The following TMEM127 variants were observed in gnomAD, a reference collection of about 807,000 sequenced individuals.
The protein encoded by TMEM127 is transmembrane protein 127.
In TMEM127, 21 loss-of-function variants were observed where a neutral mutation model predicts 20.1. That is an observed-to-expected ratio of 1.04 (90% CI 0.74 to 1.50). The LOEUF (loss-of-function observed/expected upper bound fraction) is 1.50, where lower values mean the gene tolerates loss of function less well. Among genes scored for constraint, TMEM127 ranks in the 40% most tolerant of loss-of-function variants. The pLI is 0.00. For missense variants in TMEM127, 303 were observed against 317.4 expected, an observed-to-expected ratio of 0.95 and a Z score of 0.34; for synonymous variants, 150 against 144.7, an observed-to-expected ratio of 1.04 and a Z score of -0.26.
At chr2:96,256,135 A>G (rs568606333) in intron 2 of TMEM127, among the ~76,000 whole-genome samples, 3 of 151,780 alleles carry the variant, frequency 2.0e-5, no homozygotes, top group Admixed American at 6.6e-5. Context: ...GCTGGGTGTG[A>G]TCGCATGCGC....
rs201970931 is a variant in TMEM127 at position 96,257,912 on chromosome 2, C to T, written c.245-2915G>A. ...CCTTGGTGACAGAGTGACTCCGCCT[C>T]AAAAAAAAAAGTAGGAAATGGGCCT... On this transcript the variant is annotated intron_variant, in intron 2 of 3. Transcript: ENST00000258439. 9.4e-5 allele frequency among the ~76,000 whole-genome samples: 14 copies of T among 149,092 alleles called. No homozygotes were observed. In the East Asian group the frequency reaches 2.7e-3, roughly 29 times the overall value.
At chr2:96,254,524 G>A (rs546341147) in intron 3 of TMEM127, among the ~76,000 whole-genome samples, 1 of 152,288 alleles carries the variant, frequency 6.6e-6, no homozygotes, top group Non-Finnish European at 1.5e-5. Context: ...AGACTGCCTG[G>A]TTCCTTCTTC....
In TMEM127 at chr2:96,265,261, T is replaced by TA; in HGVS notation, c.120dup (p.Ile41TyrfsTer67). The TA allele has an allele frequency of 4.4e-6, 7 of 1,587,506 alleles. No homozygotes were observed. Among genetic ancestry groups the TA allele is most frequent in the Non-Finnish European group, 6.0e-6 (7 of 1,171,940 alleles). Reference sequence around the variant, plus strand: ...GCGAGGGCAGTGCACAGCGCCGTGATAGACAGGGCGCCAGGCAGGGCCGAG... The same window carrying TA: ...GCGAGGGCAGTGCACAGCGCCGTGATAAGACAGGGCGCCAGGCAGGGCCGAG... On this transcript the variant is annotated frameshift_variant, in exon 2 of 4. Transcript: ENST00000258439. LOFTEE classifies it high-confidence loss of function.
intron 2 of TMEM127, among the ~76,000 whole-genome samples, chr2:96,258,265 C>T (rs1684249809): frequency 6.6e-6 from 1 of 152,172 alleles, no homozygotes; most frequent in South Asian, 2.1e-4. Flanking sequence ...CCCCACACTT[C>T]AAGAAACACT....
At chr2:96,258,752 A>C (rs116071303) in intron 2 of TMEM127, among the ~76,000 whole-genome samples, 2,506 of 152,288 alleles carry the variant, frequency 0.016, 36 homozygotes, top group South Asian at 0.028. Context: ...TGTATTTTAA[A>C]TCTTATTAAA....
chr2:96,262,684 A>C (rs1050425597), intron 2 of TMEM127, among the ~76,000 whole-genome samples: 9 of 152,194 alleles, frequency 5.9e-5, no homozygotes, highest in Admixed American at 1.3e-4. Context: ...AGCCTGAATA[A>C]TTTCTTTCTT....
At chr2:96,256,912 C>A (rs561875797) in intron 2 of TMEM127, among the ~76,000 whole-genome samples, 74 of 152,256 alleles carry the variant, frequency 4.9e-4, no homozygotes, top group African/African-American at 1.7e-3. Flanking sequence ...GAGCTGGGGA[C>A]AAGCCATCAA....
Position 96,251,544 on chromosome 2 carries a change from A to C in TMEM127, c.*2264T>G, listed in dbSNP as rs1684088446. 4.3e-6 allele frequency: 1 copy of C among 231,636 alleles called. No homozygotes were observed. The highest frequency in any genetic ancestry group is 8.6e-6 in the Non-Finnish European group (1 of 116,788). 14.3% of individuals were successfully genotyped at this position (231,636 alleles called of 1,614,324 possible). Reference sequence around the variant, plus strand: ...TCTCAAAAACAAGAAAAAGAAAAAAAAATACAGCCTCATCAACATCTCCTG... The same window carrying C: ...TCTCAAAAACAAGAAAAAGAAAAAACAATACAGCCTCATCAACATCTCCTG... On this transcript the variant is annotated 3_prime_UTR_variant, in exon 4 of 4. Transcript: ENST00000258439.
At chr2:96,254,160 C>G in intron 3 of TMEM127, 45 bp from the exon 4 acceptor site, 1 of 1,606,956 alleles carries the variant, frequency 6.2e-7, no homozygotes, top group Admixed American at 1.7e-5. Context: ...AGTGAGCACT[C>G]CACAGCTAGG....
At chr2:96,254,742 C>G in intron 3 of TMEM127, 91 bp downstream of exon 3, 1 of 1,548,464 alleles carries the variant, frequency 6.5e-7, no homozygotes, top group Non-Finnish European at 8.9e-7. Context: ...GGTGCCTGCT[C>G]AGAGAAACCA....
chr2:96,264,911 G>A (rs964429602), intron 2 of TMEM127, among the ~76,000 whole-genome samples: 1 of 152,184 alleles, frequency 6.6e-6, no homozygotes, highest in African/African-American at 2.4e-5. Context: ...TCCTAAAATA[G>A]CAGCAGTCCG....
In TMEM127 at chr2:96,265,218, T is replaced by G. The variant is rs894041563; in HGVS notation, c.164A>C (p.His55Pro). 1.9e-6 allele frequency: 3 copies of G among 1,606,024 alleles called. No homozygotes were observed. The highest frequency in any genetic ancestry group is 2.5e-6 in the Non-Finnish European group (3 of 1,178,172). The change falls in exon 2 of 4, where the codon CAC (histidine) becomes CCC (proline). Residue 55 changes from histidine to proline, a missense_variant. Transcript: ENST00000258439. ...GCGCGAACAGGTGCCTCCGTGGATG[T>G]GCAACCAGGCGGGCTCGGCGAGGGC... is the stretch of plus-strand genomic sequence containing the variant. ...CTALAEPAWL[H>P]IHGGTCSRQE...
intron 2 of TMEM127, among the ~76,000 whole-genome samples, chr2:96,255,998 C>T (rs1355129458): frequency 6.6e-6 from 1 of 151,888 alleles, no homozygotes. Flanking sequence ...ATTGGCCAGG[C>T]ATGGTAGCTC....
rs1478128212 is a variant in TMEM127 at position 96,252,757 on chromosome 2, G to A, written c.*1051C>T. The A allele has an allele frequency of 4.3e-6, 1 of 233,820 alleles. No individual in the cohort carries two copies. The highest frequency in any genetic ancestry group is 8.5e-6 in the Non-Finnish European group (1 of 118,262). 14.5% of individuals were successfully genotyped at this position (233,820 alleles called of 1,614,324 possible). ...TAAACTGAGGCCAGGTTCCATCTCA[G>A]TGCTGCAGTCCTGAGGAGCACCACG... is the stretch of plus-strand genomic sequence containing the variant. On this transcript the variant is annotated 3_prime_UTR_variant, in exon 4 of 4. Transcript: ENST00000258439. This position sits in a 1 kb window ranked among gnomAD's most constrained non-coding sequence, Gnocchi z 4.2.
chr2:96,248,928 CCACT>C lies in TMEM127; in HGVS notation c.*4876_*4879del, dbSNP rs1225817953. ...TACATCTTATGAAGCCCCTTACCAC[CCACT>C]GTGTTGCTGTCCCACTCAGCTGAAG... On this transcript the variant is annotated 3_prime_UTR_variant, in exon 4 of 4. Transcript: ENST00000258439. 3 of 232,578 alleles carry C rather than the reference CCACT, an allele frequency of 1.3e-5. No homozygotes were observed. The highest frequency in any genetic ancestry group is 2.5e-5 in the Non-Finnish European group (3 of 117,704). The allele number at this position is 232,578 out of a possible 1,614,324, so 14.4% of individuals were successfully genotyped here.
At chr2:96,259,793 C>T (rs1200734483) in intron 2 of TMEM127, among the ~76,000 whole-genome samples, 1 of 152,220 alleles carries the variant, frequency 6.6e-6, no homozygotes, top group African/African-American at 2.4e-5. Flanking sequence ...CTGCCCCACC[C>T]ACCACCAGGG....
rs1381804330 is a variant in TMEM127, at chr2:96,250,900, A to G, written c.*2908T>C. The G allele has an allele frequency of 4.3e-6, 1 of 229,966 alleles. No individual in the cohort carries two copies. Among genetic ancestry groups the G allele is most frequent in the Non-Finnish European group, 8.6e-6 (1 of 116,096 alleles). 14.2% of individuals were successfully genotyped at this position (229,966 alleles called of 1,614,324 possible). A position where few individuals can be genotyped will look rare whatever the true frequency, so the allele number is the denominator to read the frequency against. ...TGAAATACAGAAAATAAAGACAGAA[A>G]AACACACAAATTATTAAATAAAATT... On this transcript the variant is annotated 3_prime_UTR_variant, in exon 4 of 4. Transcript: ENST00000258439.
intron 2 of TMEM127, among the ~76,000 whole-genome samples, chr2:96,259,378 GGCCACT>G (rs908632468): frequency 6.6e-6 from 1 of 152,186 alleles, no homozygotes; most frequent in Non-Finnish European, 1.5e-5. Flanking sequence ...TACCAGACTC[GGCCACT>G]GTATTTTTCC....
chr2:96,265,682 G>A (rs918851753), intron 1 of TMEM127, among the ~76,000 whole-genome samples, 170 bp from the exon 2 acceptor site: 2 of 152,178 alleles, frequency 1.3e-5, no homozygotes, highest in Non-Finnish European at 2.9e-5. Context: ...CGAGTGGGGG[G>A]CGGAGGGATC....
Sources: allele counts gnomAD v4.1 joint callset (sites outside exome capture counted in the v4.1 genomes callset), GRCh38; gene constraint gnomAD v4.1.1; non-coding constraint Gnocchi (gnomAD v3.1); transcripts MANE v1.5; gene names NCBI Gene and HGNC (gene_info 2026-07-23, HGNC 2026-07-21).